The following RGS7 variants were observed in gnomAD, a reference collection of about 807,000 sequenced individuals.
RGS7 encodes regulator of G protein signaling 7.
RGS7 carries 27 observed loss-of-function variants against 81.1 expected under a neutral mutation model. That is an observed-to-expected ratio of 0.33 (90% CI 0.25 to 0.46). The LOEUF is 0.46. Ranked by LOEUF, RGS7 falls within the 20% of genes least tolerant of loss-of-function variation. The probability of loss-of-function intolerance (pLI) is 1.00; values close to 1 mark genes in which losing one functional copy is unlikely to be tolerated. For missense variants in RGS7, 396 were observed against 607.4 expected, an observed-to-expected ratio of 0.65 and a Z score of 3.66; for synonymous variants, 208 against 207.7, an observed-to-expected ratio of 1.00 and a Z score of -0.01.
At chr1:241,175,509 G>C (rs1340117660) in intron 2 of RGS7, among the ~76,000 whole-genome samples, 3 of 152,160 alleles carry the variant, frequency 2.0e-5, no homozygotes. Context: ...TTTATTCCAA[G>C]GTTTATGAGT....
intron 4 of RGS7, among the ~76,000 whole-genome samples, chr1:240,961,555 T>C (rs942009105): frequency 6.6e-6 from 1 of 152,228 alleles, no homozygotes; most frequent in African/African-American, 2.4e-5. Flanking sequence ...ATATACCAGA[T>C]ATAGACCAGA....
At chr1:240,842,852 G>A (rs1487951970) in intron 9 of RGS7, among the ~76,000 whole-genome samples, 1 of 150,232 alleles carries the variant, frequency 6.7e-6, no homozygotes, top group Admixed American at 6.7e-5. Context: ...TTTCTCATAA[G>A]GGGTAACTGC....
At chr1:241,205,668 C>T (rs1313962139) in intron 2 of RGS7, among the ~76,000 whole-genome samples, 1 of 151,756 alleles carries the variant, frequency 6.6e-6, no homozygotes, top group Non-Finnish European at 1.5e-5. Flanking sequence ...ACCATCTTGC[C>T]CAGTCCAGTC....
chr1:241,246,028 T>C (rs528007594), intron 2 of RGS7, among the ~76,000 whole-genome samples: 105 of 152,046 alleles, frequency 6.9e-4, no homozygotes, highest in Admixed American at 1.4e-3. Flanking sequence ...GGCGTGAACC[T>C]GGGAGGTGGA....
chr1:241,041,906 T>G (rs1166971659), intron 3 of RGS7, among the ~76,000 whole-genome samples: 1 of 152,148 alleles, frequency 6.6e-6, no homozygotes, highest in African/African-American at 2.4e-5. Flanking sequence ...ATCTTATTTG[T>G]TGTTGTGTCC....
chr1:240,936,430 T>A (rs879758008), intron 5 of RGS7, among the ~76,000 whole-genome samples, 170 bp downstream of exon 5: 13 of 152,258 alleles, frequency 8.5e-5, no homozygotes, highest in Non-Finnish European at 1.9e-4. Flanking sequence ...TATCTTTCTC[T>A]GTGTTTATTG....
At chr1:240,892,385 C>G (rs1385189005) in intron 6 of RGS7, among the ~76,000 whole-genome samples, 1 of 152,132 alleles carries the variant, frequency 6.6e-6, no homozygotes, top group East Asian at 1.9e-4. Context: ...GCTCACTTGA[C>G]TGCAATTTCA....
intron 9 of RGS7, among the ~76,000 whole-genome samples, chr1:240,834,611 C>T (rs888854370): frequency 2.6e-5 from 4 of 152,184 alleles, no homozygotes; most frequent in African/African-American, 4.8e-5. Flanking sequence ...CCCGGGTTCA[C>T]GCCATTCTCC....
At chr1:240,912,162 A>C (rs1169846633) in intron 6 of RGS7, among the ~76,000 whole-genome samples, 1 of 149,998 alleles carries the variant, frequency 6.7e-6, no homozygotes, top group Non-Finnish European at 1.5e-5. Context: ...AAAAAAAAAA[A>C]AAAAAAAAAA....
chr1:241,321,969 T>A (rs2081239159), intron 2 of RGS7, among the ~76,000 whole-genome samples: 1 of 152,158 alleles, frequency 6.6e-6, no homozygotes, highest in Admixed American at 6.5e-5. Context: ...CCCAAGAGAC[T>A]CTGTGTTGTT....
intron 2 of RGS7, among the ~76,000 whole-genome samples, chr1:241,198,585 C>A (rs1376725707): frequency 6.6e-6 from 1 of 151,882 alleles, no homozygotes; most frequent in African/African-American, 2.4e-5. Context: ...ATAAAATGAA[C>A]AAATTTCTGA....
chr1:241,095,726 T>C (rs1461672062), intron 3 of RGS7, among the ~76,000 whole-genome samples: 3 of 152,216 alleles, frequency 2.0e-5, no homozygotes, highest in African/African-American at 7.2e-5. Flanking sequence ...TTTATCCTTT[T>C]TGAGTAATTA....
chr1:240,935,321 A>T, intron 5 of RGS7, among the ~76,000 whole-genome samples: 1 of 152,144 alleles, frequency 6.6e-6, no homozygotes, highest in South Asian at 2.1e-4. Flanking sequence ...AAAACAATTT[A>T]TTTGCTGATC....
At chr1:241,198,630 C>T (rs1211604083) in intron 2 of RGS7, among the ~76,000 whole-genome samples, 4 of 151,922 alleles carry the variant, frequency 2.6e-5, no homozygotes, top group Admixed American at 6.6e-5. Context: ...CACAAGAAAA[C>T]GTATCATTTC....
At chr1:241,105,005 GT>G (rs1483543907) in intron 2 of RGS7, among the ~76,000 whole-genome samples, 5 of 152,146 alleles carry the variant, frequency 3.3e-5, no homozygotes, top group Non-Finnish European at 7.4e-5. Flanking sequence ...TGTTTGATAT[GT>G]TTTTTTCTTT....
Position 241,187,868 on chromosome 1 carries a change from C to T in RGS7, c.79-89106G>A, listed in dbSNP as rs568606988. 1.1e-4 allele frequency among the ~76,000 whole-genome samples: 17 copies of T among 152,016 alleles called. No homozygotes were observed. In the East Asian group the frequency reaches 1.2e-3, roughly 10 times the overall value. ...TTACTGATTTTGGTGTCAGATCACACGATATAAGCTAACAAAGATCTACTT... is the reference window on the plus strand; with the variant it reads ...TTACTGATTTTGGTGTCAGATCACATGATATAAGCTAACAAAGATCTACTT... On this transcript the variant is annotated intron_variant, in intron 2 of 18. Coordinates refer to ENST00000440928, the MANE Select transcript of RGS7 (RefSeq NM_001364886.1).
intron 2 of RGS7, among the ~76,000 whole-genome samples, chr1:241,327,154 A>AG (rs1302232895): frequency 2.8e-5 from 4 of 144,800 alleles, no homozygotes; most frequent in African/African-American, 9.9e-5. Context: ...AAGGAAAGAA[A>AG]GAAAGAAAGA....
intron 3 of RGS7, among the ~76,000 whole-genome samples, chr1:241,014,527 T>C (rs1200477172): frequency 6.6e-6 from 1 of 152,214 alleles, no homozygotes; most frequent in African/African-American, 2.4e-5. Flanking sequence ...AACTAAACTT[T>C]TGCAAGCTCT....
intron 2 of RGS7, among the ~76,000 whole-genome samples, chr1:241,117,372 C>T (rs2065948091): frequency 6.6e-6 from 1 of 152,128 alleles, no homozygotes; most frequent in Non-Finnish European, 1.5e-5. Flanking sequence ...ATCATTCATT[C>T]TATATGGCAG....
Sources: allele counts gnomAD v4.1 joint callset (sites outside exome capture counted in the v4.1 genomes callset), GRCh38; gene constraint gnomAD v4.1.1; transcripts MANE v1.5; gene names NCBI Gene and HGNC (gene_info 2026-07-23, HGNC 2026-07-21).